Variants in TANGO2 observed in about 807,000 individuals in gnomAD.
TANGO2 encodes transport and Golgi organization protein 2 homolog.
In TANGO2, 26 loss-of-function variants were observed where a neutral mutation model predicts 39.1. That is an observed-to-expected ratio of 0.67 (90% CI 0.49 to 0.92). The LOEUF is 0.92. Among genes scored for constraint, TANGO2 ranks in the 40% least tolerant of loss-of-function variants. The pLI is 0.00. For synonymous variants in TANGO2, 131 were observed against 144.5 expected, an observed-to-expected ratio of 0.91 and a Z score of 0.67; for missense variants, 326 against 360.1, an observed-to-expected ratio of 0.91 and a Z score of 0.77.
chr22:20,025,985 G>A (rs1476832885), intron 1 of TANGO2, among the ~76,000 whole-genome samples: 3 of 152,230 alleles, frequency 2.0e-5, no homozygotes, highest in African/African-American at 7.2e-5. Context: ...TCCAGGATGT[G>A]GCTGAGGTGG....
At chr22:20,027,674 C>T (rs542509327) in intron 1 of TANGO2, among the ~76,000 whole-genome samples, 2 of 152,172 alleles carry the variant, frequency 1.3e-5, no homozygotes, top group African/African-American at 4.8e-5. Flanking sequence ...GTGGTGCTAT[C>T]ATAGCTCACT....
chr22:20,047,098 A>G (rs1429394734), intron 3 of TANGO2, among the ~76,000 whole-genome samples: 1 of 152,142 alleles, frequency 6.6e-6, no homozygotes, highest in Non-Finnish European at 1.5e-5. Flanking sequence ...ACCAGTTCTC[A>G]AAGGAACTAA....
chr22:20,053,025 GTTTACTCC>G (rs1455142042), intron 4 of TANGO2, among the ~76,000 whole-genome samples: 10 of 152,130 alleles, frequency 6.6e-5, no homozygotes, highest in Non-Finnish European at 1.5e-4. Flanking sequence ...ACGCAGCACT[GTTTACTCC>G]TCTCAGGGCG....
intron 3 of TANGO2, among the ~76,000 whole-genome samples, chr22:20,050,676 T>A (rs2046163844): frequency 1.3e-5 from 2 of 150,552 alleles, no homozygotes; most frequent in African/African-American, 2.4e-5. Context: ...TTTTTTTTTT[T>A]AATCACACTA....
intron 7 of TANGO2, chr22:20,061,903 A>G (rs1179744795): frequency 1.7e-6 from 1 of 577,910 alleles, no homozygotes; most frequent in Non-Finnish European, 2.9e-6. Context: ...GCCCAGGCCC[A>G]GGCCCAGGCC....
At chr22:20,036,497 C>G (rs572136724) in intron 1 of TANGO2, among the ~76,000 whole-genome samples, 6 of 152,320 alleles carry the variant, frequency 3.9e-5, no homozygotes, top group African/African-American at 1.4e-4. Flanking sequence ...GGCCTTAAGA[C>G]TACCATGGTG....
At chr22:20,034,011 G>C (rs569387195) in intron 1 of TANGO2, among the ~76,000 whole-genome samples, 2 of 152,206 alleles carry the variant, frequency 1.3e-5, no homozygotes, top group Non-Finnish European at 2.9e-5. Context: ...TTGGAGACCA[G>C]CCTGACCAAC....
intron 1 of TANGO2, among the ~76,000 whole-genome samples, chr22:20,027,027 G>A (rs1409889760): frequency 6.6e-6 from 1 of 152,224 alleles, no homozygotes; most frequent in African/African-American, 2.4e-5. Flanking sequence ...AAGGTGCACA[G>A]GAAGCATGAT....
intron 3 of TANGO2, among the ~76,000 whole-genome samples, chr22:20,045,116 G>A (rs1222765366): frequency 6.6e-6 from 1 of 152,096 alleles, no homozygotes; most frequent in African/African-American, 2.4e-5. Context: ...TGGGCCTGTA[G>A]CACCAGCTTT....
Position 20,064,929 on chromosome 22 carries a change from G to A in TANGO2, c.*267G>A. On this transcript the variant is annotated 3_prime_UTR_variant, in exon 9 of 9. Coordinates refer to ENST00000327374, the MANE Select transcript of TANGO2 (RefSeq NM_152906.7). ...ACCATGAACATGTGGATACACCTGA[G>A]CCCACTCTTGCACATGTACACAGGC... The A allele has an allele frequency of 2.3e-6, 1 of 441,658 alleles. No individual in the cohort carries two copies. The highest frequency in any genetic ancestry group is 4.1e-6 in the Non-Finnish European group (1 of 242,382). The allele number at this position is 441,658 out of a possible 1,614,324, so 27.4% of individuals were successfully genotyped here.
intron 2 of TANGO2, among the ~76,000 whole-genome samples, chr22:20,039,887 A>G (rs918471374): frequency 7.3e-6 from 1 of 137,502 alleles, no homozygotes; most frequent in Non-Finnish European, 1.6e-5. Flanking sequence ...TACCCCCCGG[A>G]CAGTACACGC....
intron 1 of TANGO2, among the ~76,000 whole-genome samples, chr22:20,025,746 C>A (rs990556792): frequency 2.0e-5 from 3 of 152,224 alleles, no homozygotes; most frequent in Admixed American, 6.5e-5. Flanking sequence ...GACTTTCTTA[C>A]TGTGTCACTT....
intron 1 of TANGO2, among the ~76,000 whole-genome samples, chr22:20,027,755 A>G (rs1389320707): frequency 6.6e-6 from 1 of 151,138 alleles, no homozygotes; most frequent in Non-Finnish European, 1.5e-5. Context: ...CTACAGATGC[A>G]TGTCACCATG....
At position 20,047,231 on chromosome 22, in the gene TANGO2, TG is replaced by T. The variant is rs375156904; in HGVS notation, c.145+3789del. On this transcript the variant is annotated intron_variant, in intron 3 of 8. Transcript: ENST00000327374. ...CTGGGGATCAGTTTTTTGGTTTGTT[TG>T]TTTTTTTTTTTTTTTTTTGAGACAG... 3.4e-3 allele frequency among the ~76,000 whole-genome samples: 508 copies of T among 148,956 alleles called. 6 individuals carry two copies. The highest frequency in any genetic ancestry group is 0.011 in the African/African-American group (449 of 40,574).
intron 3 of TANGO2, 57 bp downstream of exon 3, chr22:20,043,500 C>T (rs1019690493): frequency 3.9e-6 from 5 of 1,284,538 alleles, no homozygotes; most frequent in East Asian, 2.3e-5. Flanking sequence ...CTAGCCCCTG[C>T]GTGGCCCGAG....
In TANGO2 at chr22:20,063,421, G is replaced by A. The variant is rs1185962234; in HGVS notation, c.689G>A (p.Arg230His). The change falls in exon 8 of 9, where the codon CGC (arginine) becomes CAC (histidine). Residue 230 changes from arginine (R) to histidine (H), a missense_variant. Coordinates refer to ENST00000327374, the MANE Select transcript of TANGO2 (RefSeq NM_152906.7). Reference sequence around the variant, plus strand: ...AGCAAGTACGCGGCTGTGTGCGTGCGCTGCCCTGGCTACGGCACCAGGTAT... The same window carrying A: ...AGCAAGTACGCGGCTGTGTGCGTGCACTGCCCTGGCTACGGCACCAGGTAT... ...MLSKYAAVCV[R>H]CPGYGTRTNT... The A allele has an allele frequency of 9.9e-6, 16 of 1,612,700 alleles. No individual in the cohort carries two copies. The highest frequency in any genetic ancestry group is 1.6e-4 in the Middle Eastern group (1 of 6,080).
chr22:20,037,156 C>T (rs1452379211), intron 2 of TANGO2: 13 of 1,478,656 alleles, frequency 8.8e-6, no homozygotes, highest in African/African-American at 2.8e-5. Flanking sequence ...TGAGGAGGGT[C>T]GGGCGGCAGA....
chr22:20,063,151 C>G (rs2048692970), intron 7 of TANGO2, 187 bp from the exon 8 acceptor site: 1 of 564,566 alleles, frequency 1.8e-6, no homozygotes. Context: ...AGTGAAACTC[C>G]TCCTCAAAAA....
At position 20,043,310 on chromosome 22, in the gene TANGO2, C is replaced by T. The variant is rs878947792; in HGVS notation, c.57-45C>T. ...TGTGAAAAGAGAAAAAGACTTGGCT[C>T]GCTCGTTTCCATCTGAAGCCATCAG... is the stretch of plus-strand genomic sequence containing the variant. On this transcript the variant is annotated intron_variant, in intron 2 of 8. Coordinates refer to ENST00000327374, the MANE Select transcript of TANGO2 (RefSeq NM_152906.7). 11 of 1,421,060 alleles carry T rather than the reference C, an allele frequency of 7.7e-6. No homozygotes were observed. The Admixed American group carries it at 1.2e-4, about 16-fold the overall frequency. 88.0% of individuals were successfully genotyped at this position (1,421,060 alleles called of 1,614,324 possible). A position where few individuals can be genotyped will look rare whatever the true frequency, so the allele number is the denominator to read the frequency against.
Sources: gnomAD v4.1 joint callset for allele counts (sites outside exome capture counted in the v4.1 genomes callset) on GRCh38, gnomAD v4.1.1 for gene constraint, MANE v1.5 for transcripts, NCBI Gene and HGNC (gene_info 2026-07-23, HGNC 2026-07-21) for gene names.